The following ABHD14A variants were observed in gnomAD, a reference collection of about 807,000 sequenced individuals.
ABHD14A encodes protein ABHD14A.
Under a neutral mutation model 27.0 loss-of-function variants are expected in ABHD14A, and 19 were observed. That is an observed-to-expected ratio of 0.70 (90% CI 0.49 to 1.03). The LOEUF (loss-of-function observed/expected upper bound fraction) is 1.03. ABHD14A is among the 50% of genes least tolerant of loss of function. The probability of loss-of-function intolerance (pLI) is 0.00; values close to 1 mark genes in which losing one functional copy is unlikely to be tolerated. For missense variants in ABHD14A, 311 were observed against 344.6 expected, an observed-to-expected ratio of 0.90 and a Z score of 0.77; for synonymous variants, 148 against 158.8, an observed-to-expected ratio of 0.93 and a Z score of 0.51.
At chr3:51,976,759 G>C (rs567958494) in intron 1 of ABHD14A, among the ~76,000 whole-genome samples, 3 of 152,226 alleles carry the variant, frequency 2.0e-5, no homozygotes, top group East Asian at 3.9e-4. Context: ...AGAAATGACA[G>C]GGACAGCCCT....
intron 3 of ABHD14A, chr3:51,978,596 T>TAA (rs1219088601): frequency 2.3e-5 from 7 of 303,766 alleles, no homozygotes; most frequent in Non-Finnish European, 3.6e-5. Flanking sequence ...TTATTTTATT[T>TAA]ATATATATTT....
At position 51,977,978 on chromosome 3, in the gene ABHD14A, T is replaced by G; in HGVS notation, c.177T>G (p.Thr59=). 1 of 1,614,106 alleles carries G rather than the reference T, an allele frequency of 6.2e-7. No homozygotes were observed. Among genetic ancestry groups the G allele is most frequent in the Non-Finnish European group, 8.5e-7 (1 of 1,180,030 alleles). ...YVGLPGPPEQ[T]SCLWGDPNVT... ...GGCTGCCAGGCCCCCCTGAGCAGAC[T>G]TCCTGCCTCTGGGGAGACCCCAATG... The change falls in exon 2 of 5, where the codon ACT becomes ACG. Residue 59 remains threonine, a synonymous_variant. Coordinates refer to ENST00000273596, the MANE Select transcript of ABHD14A (RefSeq NM_015407.5).
chr3:51,976,020 G>C (rs953684944), intron 1 of ABHD14A, among the ~76,000 whole-genome samples: 1 of 152,218 alleles, frequency 6.6e-6, no homozygotes, highest in African/African-American at 2.4e-5. Flanking sequence ...GGGCACCCTC[G>C]GTTGCCAAGG....
chr3:51,978,478 C>A, intron 3 of ABHD14A, 104 bp downstream of exon 3: 1 of 726,320 alleles, frequency 1.4e-6, no homozygotes, highest in East Asian at 2.8e-5. Flanking sequence ...CATAAGGTGG[C>A]ACCATGAAAA....
At chr3:51,979,464 T>C (rs969634541) in intron 3 of ABHD14A, among the ~76,000 whole-genome samples, 3 of 151,432 alleles carry the variant, frequency 2.0e-5, no homozygotes, top group Admixed American at 6.6e-5. Context: ...GTTTTTTTTT[T>C]GTTTGTTTCT....
intron 2 of ABHD14A, 53 bp downstream of exon 2, chr3:51,978,135 T>TA: frequency 6.4e-7 from 1 of 1,568,190 alleles, no homozygotes; most frequent in South Asian, 1.1e-5. Flanking sequence ...GGGGAGTCCC[T>TA]GTGTGGGACC....
chr3:51,977,173 G>A (rs144397988), intron 1 of ABHD14A, among the ~76,000 whole-genome samples: 4 of 152,294 alleles, frequency 2.6e-5, no homozygotes, highest in African/African-American at 7.2e-5. Flanking sequence ...GTTATAATGC[G>A]ATTGTAAAAC....
At chr3:51,977,092 ACTC>A (rs1700803386) in intron 1 of ABHD14A, among the ~76,000 whole-genome samples, 1 of 151,708 alleles carries the variant, frequency 6.6e-6, no homozygotes, top group South Asian at 2.1e-4. Flanking sequence ...GCAGCCCCTC[ACTC>A]CTCAGCATTT....
Position 51,978,313 on chromosome 3 carries a change from G to A in ABHD14A, c.336G>A (p.Gln112=). Residue 112 remains glutamine, a synonymous_variant, in exon 3 of 5, where the codon CAG becomes CAA. Coordinates refer to ENST00000273596, the MANE Select transcript of ABHD14A (RefSeq NM_015407.5). ...GKAFNSHTWE[Q]LGTLQLLSQR... is the part of the protein sequence containing the mutation. ...CCTTTAACTCTCACACGTGGGAGCA[G>A]CTGGGCACACTGCAGCTACTGTCAC... 1 of 1,551,858 alleles carries A rather than the reference G, an allele frequency of 6.4e-7. No homozygotes were observed. The highest frequency in any genetic ancestry group is 8.7e-7 in the Non-Finnish European group (1 of 1,147,034).
rs773706812 is a variant in ABHD14A, at chr3:51,975,111, G to T, written c.-25G>T. The T allele has an allele frequency of 3.9e-6, 5 of 1,289,270 alleles. No individual in the cohort carries two copies. In the African/African-American group the frequency reaches 6.2e-5, roughly 16 times the overall value. The allele number at this position is 1,289,270 out of a possible 1,614,324, so 79.9% of individuals were successfully genotyped here. A position where few individuals can be genotyped will look rare whatever the true frequency, so the allele number is the denominator to read the frequency against. ...GCTCCTGGCCGCCTAGAGCCGGAGC[G>T]GCCCGCGGAGCTGCGGAGGCAGCCA... On this transcript the variant is annotated 5_prime_UTR_variant, in exon 1 of 5. Transcript: ENST00000273596.
chr3:51,975,219 G>C lies in ABHD14A; in HGVS notation c.69+15G>C, dbSNP rs949901968. 2 of 1,252,174 alleles carry C rather than the reference G, an allele frequency of 1.6e-6. No homozygotes were observed. The highest frequency in any genetic ancestry group is 2.0e-6 in the Non-Finnish European group (2 of 997,992). The allele number at this position is 1,252,174 out of a possible 1,614,324, so 77.6% of individuals were successfully genotyped here. ...CGTTGGGCCCGGTGAGTCTCCCGGGGGAGGGAGGCCGGCCGGTGGCCCAGG... is the reference window on the plus strand; with the variant it reads ...CGTTGGGCCCGGTGAGTCTCCCGGGCGAGGGAGGCCGGCCGGTGGCCCAGG... On this transcript the variant is annotated intron_variant, in intron 1 of 4. Coordinates refer to ENST00000273596, the MANE Select transcript of ABHD14A (RefSeq NM_015407.5).
At chr3:51,980,318 T>TC (rs1253698483) in intron 3 of ABHD14A, 75 bp from the exon 4 acceptor site, 1 of 1,411,488 alleles carries the variant, frequency 7.1e-7, no homozygotes, top group African/African-American at 1.4e-5. Flanking sequence ...CCCAACTTTT[T>TC]CCCCCACTGT....
intron 3 of ABHD14A, 139 bp downstream of exon 3, chr3:51,978,513 T>C: frequency 1.8e-6 from 1 of 547,512 alleles, no homozygotes; most frequent in Admixed American, 3.5e-5. Context: ...TTTTCTACTA[T>C]GAAAACTACA....
At chr3:51,979,493 T>G (rs1198054258) in intron 3 of ABHD14A, among the ~76,000 whole-genome samples, 2 of 150,752 alleles carry the variant, frequency 1.3e-5, no homozygotes, top group Admixed American at 6.6e-5. Context: ...TTTTTGTTTT[T>G]TTTTTTTTTG....
In ABHD14A at chr3:51,980,885, A is replaced by G. The variant is rs1484719226; in HGVS notation, c.683A>G (p.Glu228Gly). The change falls in exon 5 of 5, where the codon GAG becomes GGG. Residue 228 changes from glutamate (E) to glycine (G), a missense_variant. Glu to Gly is a moderately conservative substitution (Grantham distance 98, BLOSUM62 -2). Coordinates refer to ENST00000273596, the MANE Select transcript of ABHD14A (RefSeq NM_015407.5). Reference protein sequence around the residue: ...YGELDHILARESLRQLRHLPN... With the variant: ...YGELDHILARGSLRQLRHLPN... The stretch of plus-strand genomic sequence containing the variant: ...GAGCTGGACCACATCCTGGCTCGAG[A>G]GTCACTGCGGCAGCTCCGCCACCTG... 6.2e-7 allele frequency: 1 copy of G among 1,613,980 alleles called. No homozygotes were observed. Among genetic ancestry groups the G allele is most frequent in the Non-Finnish European group, 8.5e-7 (1 of 1,180,022 alleles).
Position 51,978,299 on chromosome 3 carries a change from C to T in ABHD14A, c.322C>T (p.His108Tyr), listed in dbSNP as rs1056392799. Residue 108 changes from histidine (H) to tyrosine (Y), a missense_variant, in exon 3 of 5, where the codon CAC (histidine) becomes TAC (tyrosine). Physicochemically the swap from His to Tyr is moderately conservative, Grantham distance 83. Transcript: ENST00000273596. Reference protein sequence around the residue: ...VLLHGKAFNSHTWEQLGTLQL... With the variant: ...VLLHGKAFNSYTWEQLGTLQL... ...GCTTCATGGAAAGGCCTTTAACTCT[C>T]ACACGTGGGAGCAGCTGGGCACACT... 5.2e-6 allele frequency: 8 copies of T among 1,551,724 alleles called. No individual in the cohort carries two copies. The highest frequency in any genetic ancestry group is 6.1e-6 in the Non-Finnish European group (7 of 1,147,004).
At chr3:51,975,353 TGC>T in intron 1 of ABHD14A, 149 bp downstream of exon 1, 1 of 709,390 alleles carries the variant, frequency 1.4e-6, no homozygotes, top group Non-Finnish European at 1.9e-6. Context: ...GTAATGTGTG[TGC>T]GCGCGCAGGG....
chr3:51,979,754 T>C (rs1023838929), intron 3 of ABHD14A, among the ~76,000 whole-genome samples: 1 of 151,920 alleles, frequency 6.6e-6, no homozygotes, highest in African/African-American at 2.4e-5. Flanking sequence ...AGTGCTGGGA[T>C]TACAGGCATG....
chr3:51,979,488 G>GTTT (rs34498641), intron 3 of ABHD14A, among the ~76,000 whole-genome samples: 5 of 136,660 alleles, frequency 3.7e-5, no homozygotes, highest in African/African-American at 2.7e-5. Flanking sequence ...TTTGTTTTTT[G>GTTT]TTTTTTTTTT....
Sources: gnomAD v4.1 joint callset for allele counts (sites outside exome capture counted in the v4.1 genomes callset) on GRCh38, gnomAD v4.1.1 for gene constraint, MANE v1.5 for transcripts, NCBI Gene and HGNC (gene_info 2026-07-23, HGNC 2026-07-21) for gene names.